Variants in SEC24B observed in about 807,000 individuals in gnomAD.
SEC24B encodes SEC24 homolog B, COPII component.
In SEC24B, 45 loss-of-function variants were observed where a neutral mutation model predicts 142.8. The ratio of observed to expected loss-of-function variants is 0.32; its 90% CI spans 0.25 to 0.40. The LOEUF is 0.40. SEC24B is among the 10% of genes least tolerant of loss of function. The pLI, the probability that SEC24B is intolerant of heterozygous loss-of-function variation, is 1.00. For synonymous variants in SEC24B, 574 were observed against 568.2 expected, an observed-to-expected ratio of 1.01 and a Z score of -0.15; for missense variants, 1,409 against 1,526.8, an observed-to-expected ratio of 0.92 and a Z score of 1.29.
At chr4:109,511,895 G>A (rs1737376282) in intron 8 of SEC24B, 62 bp from the exon 9 acceptor site, 2 of 1,538,898 alleles carry the variant, frequency 1.3e-6, no homozygotes, top group Non-Finnish European at 1.8e-6. Context: ...GCAGATCTGT[G>A]TACGTTCTGT....
intron 1 of SEC24B, among the ~76,000 whole-genome samples, chr4:109,439,406 CCT>C (rs1728703670): frequency 6.8e-6 from 1 of 146,278 alleles, no homozygotes; most frequent in African/African-American, 2.5e-5. Context: ...AGCATCAGGT[CCT>C]CTCATGAATA....
chr4:109,492,912 G>C (rs1319866140), intron 5 of SEC24B, among the ~76,000 whole-genome samples: 2 of 151,396 alleles, frequency 1.3e-5, no homozygotes, highest in African/African-American at 2.4e-5. Flanking sequence ...TAAAGATGGG[G>C]TCTCACTTTG....
At chr4:109,539,214 G>A (rs1198210623) in intron 23 of SEC24B, among the ~76,000 whole-genome samples, 2 of 151,670 alleles carry the variant, frequency 1.3e-5, no homozygotes, top group Admixed American at 6.6e-5. Context: ...CACCCACCTC[G>A]GCCTCTCAAA....
At chr4:109,472,096 T>A (rs920474260) in intron 2 of SEC24B, among the ~76,000 whole-genome samples, 2 of 152,236 alleles carry the variant, frequency 1.3e-5, no homozygotes, top group African/African-American at 4.8e-5. Flanking sequence ...TTAGGACATA[T>A]AACACATTTT....
At chr4:109,521,747 T>A in intron 14 of SEC24B, 121 bp downstream of exon 14, 1 of 805,822 alleles carries the variant, frequency 1.2e-6, no homozygotes, top group Non-Finnish European at 1.9e-6. Flanking sequence ...TTGTTTCTTT[T>A]TTGAGACGTG....
Position 109,539,705 on chromosome 4 carries a change from C to G in SEC24B, c.*30C>G, listed in dbSNP as rs759148890. ...GAATAAAATTGAATAAGAAAAAGATCTATAACCTAGGTAAAGCATAATCTG... is the reference window on the plus strand; with the variant it reads ...GAATAAAATTGAATAAGAAAAAGATGTATAACCTAGGTAAAGCATAATCTG... On this transcript the variant is annotated 3_prime_UTR_variant, in exon 24 of 24. Transcript: ENST00000265175. 3 of 1,405,494 alleles carry G rather than the reference C, an allele frequency of 2.1e-6. No homozygotes were observed. The highest frequency in any genetic ancestry group is 1.4e-5 in the African/African-American group (1 of 70,186). The allele number at this position is 1,405,494 out of a possible 1,614,324, so 87.1% of individuals were successfully genotyped here.
At chr4:109,444,777 C>T (rs1729285114) in intron 1 of SEC24B, among the ~76,000 whole-genome samples, 1 of 152,030 alleles carries the variant, frequency 6.6e-6, no homozygotes, top group African/African-American at 2.4e-5. Context: ...TATTATAGAC[C>T]ATTTGTTAAA....
chr4:109,483,003 C>CACACACACATAT lies in SEC24B; in HGVS notation c.1165+1223_1165+1224insCACACACATATA, dbSNP rs1408633373. On this transcript the variant is annotated intron_variant, in intron 4 of 23. Coordinates refer to ENST00000265175, the MANE Select transcript of SEC24B (RefSeq NM_006323.5). ...ATACACACACACACACACACACACA[C>CACACACACATAT]ATATTATACATATGTTTTTTATATA... Among the ~76,000 whole-genome samples the CACACACACATAT allele has an allele frequency of 3.9e-4, 33 of 84,066 alleles. 1 individual carries two copies. The highest frequency in any genetic ancestry group is 7.4e-4 in the African/African-American group (9 of 12,198). The allele number at this position is 84,066 out of a possible 152,430, so 55.2% of individuals were successfully genotyped here.
At chr4:109,510,815 A>G (rs1268232850) in intron 8 of SEC24B, among the ~76,000 whole-genome samples, 1 of 151,878 alleles carries the variant, frequency 6.6e-6, no homozygotes, top group Non-Finnish European at 1.5e-5. Flanking sequence ...TTTTTTTACT[A>G]CTGTTGTTTA....
At chr4:109,521,337 A>G in intron 13 of SEC24B, 83 bp from the exon 14 acceptor site, 1 of 1,222,550 alleles carries the variant, frequency 8.2e-7, no homozygotes, top group Non-Finnish European at 1.2e-6. Flanking sequence ...ATACAGTGAC[A>G]CATGATACAC....
At chr4:109,536,424 A>G (rs999373159) in intron 22 of SEC24B, among the ~76,000 whole-genome samples, 7 of 152,238 alleles carry the variant, frequency 4.6e-5, no homozygotes, top group Admixed American at 4.6e-4. Context: ...AAGACTGGAT[A>G]TTTACCTTAT....
At chr4:109,467,119 G>T (rs1417864966) in intron 2 of SEC24B, among the ~76,000 whole-genome samples, 1 of 151,800 alleles carries the variant, frequency 6.6e-6, no homozygotes, top group East Asian at 1.9e-4. Context: ...GAGGTCAGGA[G>T]ATCGAGACCA....
intron 18 of SEC24B, among the ~76,000 whole-genome samples, chr4:109,528,123 G>A (rs568405963): frequency 6.6e-6 from 1 of 152,182 alleles, no homozygotes; most frequent in South Asian, 2.1e-4. Flanking sequence ...TAGGCCAGGT[G>A]TGGTGGCTCA....
chr4:109,472,028 A>G (rs1387054850), intron 2 of SEC24B, among the ~76,000 whole-genome samples: 1 of 152,178 alleles, frequency 6.6e-6, no homozygotes, highest in African/African-American at 2.4e-5. Flanking sequence ...AACAGTCAGC[A>G]TATTTAGACT....
At chr4:109,435,797 A>G (rs1324783759) in intron 1 of SEC24B, among the ~76,000 whole-genome samples, 1 of 152,180 alleles carries the variant, frequency 6.6e-6, no homozygotes, top group Non-Finnish European at 1.5e-5. Flanking sequence ...AGCAGATGAG[A>G]CAGAGTCCCT....
intron 22 of SEC24B, among the ~76,000 whole-genome samples, chr4:109,534,757 C>T (rs894844223): frequency 6.6e-6 from 1 of 152,092 alleles, no homozygotes; most frequent in African/African-American, 2.4e-5. Context: ...AGACTGAAAA[C>T]GGGCTAACTT....
chr4:109,451,079 T>G (rs1730033185), intron 1 of SEC24B: 1 of 152,202 alleles, frequency 6.6e-6, no homozygotes, highest in African/African-American at 2.4e-5. Context: ...TACTGTGGAT[T>G]TCTAATGGTA....
At chr4:109,436,287 A>G (rs1052839211) in intron 1 of SEC24B, among the ~76,000 whole-genome samples, 2 of 152,170 alleles carry the variant, frequency 1.3e-5, no homozygotes, top group Non-Finnish European at 2.9e-5. Flanking sequence ...CTAATCTCAA[A>G]AAAAAAAAGT....
intron 4 of SEC24B, among the ~76,000 whole-genome samples, chr4:109,486,327 G>A (rs918695118): frequency 9.2e-5 from 14 of 151,916 alleles, no homozygotes; most frequent in African/African-American, 3.2e-4. Flanking sequence ...CAAATTATCT[G>A]GCTAATTTCA....
Sources: gnomAD v4.1 joint callset for allele counts (sites outside exome capture counted in the v4.1 genomes callset) on GRCh38, gnomAD v4.1.1 for gene constraint, MANE v1.5 for transcripts, NCBI Gene and HGNC (gene_info 2026-07-23, HGNC 2026-07-21) for gene names.